Variants in LRRC17 observed in about 807,000 individuals in gnomAD.
LRRC17 encodes leucine-rich repeat-containing protein 17.
A neutral mutation model predicts 41.5 loss-of-function variants in LRRC17; 33 were observed. The observed-to-expected ratio is 0.80, with a 90% CI of 0.60 to 1.06. The LOEUF is 1.06. Ranked by LOEUF, LRRC17 falls within the 50% of genes least tolerant of loss-of-function variation. The pLI is 0.00. For missense variants in LRRC17, 491 were observed against 519.3 expected, an observed-to-expected ratio of 0.95 and a Z score of 0.53; for synonymous variants, 192 against 197.0, an observed-to-expected ratio of 0.97 and a Z score of 0.21.
Position 102,926,037 on chromosome 7 carries a change from A to G in LRRC17, c.-140-7737A>G, listed in dbSNP as rs1467387364. Among the ~76,000 whole-genome samples, 3 of 152,142 alleles carry G rather than the reference A, an allele frequency of 2.0e-5. No individual in the cohort carries two copies. The East Asian group carries it at 5.8e-4, about 29-fold the overall frequency. On this transcript the variant is annotated intron_variant, in intron 1 of 3. Transcript: ENST00000339431. Reference sequence around the variant, plus strand: ...ATGGGGGACCAGAAAGAAGCAGGCAAAGTCTAACTCAAGCTACTGGGCACA... The same window carrying G: ...ATGGGGGACCAGAAAGAAGCAGGCAGAGTCTAACTCAAGCTACTGGGCACA...
chr7:102,942,276 C>T, intron 3 of LRRC17: 2 of 1,589,316 alleles, frequency 1.3e-6, no homozygotes, highest in African/African-American at 1.4e-5. Context: ...AATGAAAGGT[C>T]TCCTATATTT....
rs865854536 is a variant in LRRC17, at chr7:102,918,205, T to G, written c.-141+5060T>G. Among the ~76,000 whole-genome samples, 15 of 152,344 alleles carry G rather than the reference T, an allele frequency of 9.8e-5. 1 individual carries two copies. Among genetic ancestry groups the G allele is most frequent in the Admixed American group, 2.6e-4 (4 of 15,308 alleles). ...ATAGAGCAAAAACAGAGAATCATTA[T>G]GAAATGTATTTTTATCATAGATAAC... On this transcript the variant is annotated intron_variant, in intron 1 of 3. Transcript: ENST00000339431.
At chr7:102,933,101 G>C (rs2129473442) in intron 1 of LRRC17, 1 of 152,270 alleles carries the variant, frequency 6.6e-6, no homozygotes, top group Non-Finnish European at 1.5e-5. Flanking sequence ...AAAGGGATTG[G>C]GAGCACCCAA....
intron 3 of LRRC17, 116 bp from the exon 4 acceptor site, chr7:102,944,091 CTCT>C (rs1398580275): frequency 1.9e-5 from 15 of 769,398 alleles, no homozygotes; most frequent in Non-Finnish European, 2.0e-6. Context: ...GAAAAGAAAT[CTCT>C]TTATTTTCAA....
At chr7:102,922,482 A>T (rs1268954187) in intron 1 of LRRC17, among the ~76,000 whole-genome samples, 2 of 152,190 alleles carry the variant, frequency 1.3e-5, no homozygotes, top group East Asian at 3.8e-4. Context: ...ATATAAATGT[A>T]TGTGCATTTA....
rs140811422 is a variant in LRRC17 at position 102,945,002 on chromosome 7, A to G, written c.*395A>G. 6.4e-6 allele frequency: 1 copy of G among 157,144 alleles called. No individual in the cohort carries two copies. The highest frequency in any genetic ancestry group is 1.9e-4 in the East Asian group (1 of 5,378). The allele number at this position is 157,144 out of a possible 1,614,324, so 9.7% of individuals were successfully genotyped here. ...ACTTAAAGATGATCAAAATGATTTT[A>G]TACAAATGCTGTTATAATAAAATGT... On this transcript the variant is annotated 3_prime_UTR_variant, in exon 4 of 4. Coordinates refer to ENST00000339431, the MANE Select transcript of LRRC17 (RefSeq NM_001031692.3).
Position 102,933,813 on chromosome 7 carries a change from C to G in LRRC17, c.-101C>G. On this transcript the variant is annotated 5_prime_UTR_variant, in exon 2 of 4. Coordinates refer to ENST00000339431, the MANE Select transcript of LRRC17 (RefSeq NM_001031692.3). ...GTACCCCAGCTGGGTCTCATTGTTC[C>G]AGAACTGCATTAGTTAAGATTACCC... 1 of 1,292,542 alleles carries G rather than the reference C, an allele frequency of 7.7e-7. No homozygotes were observed. The allele number at this position is 1,292,542 out of a possible 1,614,324, so 80.1% of individuals were successfully genotyped here.
intron 1 of LRRC17, among the ~76,000 whole-genome samples, chr7:102,923,886 T>TA (rs1817563806): frequency 6.6e-6 from 1 of 152,018 alleles, no homozygotes; most frequent in Admixed American, 6.6e-5. Context: ...CATGATTTGA[T>TA]AAAAATTTTA....
chr7:102,932,528 C>T (rs1267734137), intron 1 of LRRC17, among the ~76,000 whole-genome samples: 1 of 152,156 alleles, frequency 6.6e-6, no homozygotes, highest in Non-Finnish European at 1.5e-5. Context: ...ATAAATAATT[C>T]AGCATGTATA....
rs145854753 is a variant in LRRC17, at chr7:102,925,361, T to C, written c.-140-8413T>C. Among the ~76,000 whole-genome samples the C allele has an allele frequency of 3.7e-3, 568 of 152,246 alleles. 5 individuals carry two copies. Among genetic ancestry groups the C allele is most frequent in the African/African-American group, 0.013 (561 of 41,564 alleles). ...CGTAAGCCATGATTGTACCATTGCA[T>C]TGCAGCCTGGGTGACAGAGTAAGAC... On this transcript the variant is annotated intron_variant, in intron 1 of 3. Coordinates refer to ENST00000339431, the MANE Select transcript of LRRC17 (RefSeq NM_001031692.3).
chr7:102,925,327 T>C (rs552934220), intron 1 of LRRC17, among the ~76,000 whole-genome samples: 2 of 152,230 alleles, frequency 1.3e-5, no homozygotes, highest in South Asian at 2.1e-4. Context: ...GCCAGGAGAT[T>C]GAGGCTGCCG....
intron 1 of LRRC17, among the ~76,000 whole-genome samples, chr7:102,920,955 C>CTCGT (rs1584943713): frequency 6.6e-6 from 1 of 151,888 alleles, no homozygotes; most frequent in Non-Finnish European, 1.5e-5. Flanking sequence ...AGTTCGAGAC[C>CTCGT]GGCCTGGCCA....
rs189054869 is a variant in LRRC17, at chr7:102,922,888, G to A, written c.-141+9743G>A. 1.1e-3 allele frequency among the ~76,000 whole-genome samples: 172 copies of A among 152,272 alleles called. 1 individual carries two copies. Among genetic ancestry groups the A allele is most frequent in the African/African-American group, 3.5e-3 (147 of 41,542 alleles). Reference sequence around the variant, plus strand: ...AGCTACTCAGGAGGCTGAGGCAGGAGAATGGCATGAACCCGGGAGGCGGAG... The same window carrying A: ...AGCTACTCAGGAGGCTGAGGCAGGAAAATGGCATGAACCCGGGAGGCGGAG... On this transcript the variant is annotated intron_variant, in intron 1 of 3. Coordinates refer to ENST00000339431, the MANE Select transcript of LRRC17 (RefSeq NM_001031692.3).
At chr7:102,913,319 C>T in intron 1 of LRRC17, 174 bp downstream of exon 1, 1 of 1,396,404 alleles carries the variant, frequency 7.2e-7, no homozygotes, top group Non-Finnish European at 9.8e-7. Flanking sequence ...AACTCTTCTT[C>T]TTGCAGATGT....
intron 3 of LRRC17, among the ~76,000 whole-genome samples, chr7:102,941,161 G>A (rs186437234): frequency 6.6e-6 from 1 of 152,276 alleles, no homozygotes; most frequent in East Asian, 1.9e-4. Context: ...ATGCTAACTT[G>A]GGAGTATGTT....
rs746895800 is a variant in LRRC17 at position 102,933,997 on chromosome 7, C to G, written c.84C>G (p.Ser28Arg). 5.6e-6 allele frequency: 9 copies of G among 1,614,030 alleles called. No homozygotes were observed. The highest frequency in any genetic ancestry group is 7.6e-6 in the Non-Finnish European group (9 of 1,179,996). ...AAGCAAGCCCAGGCAGTGTGAGAAG[C>G]CGAGTGAATCATGGCCGGGCGGGTG... ...LRKASPGSVR[S>R]RVNHGRAGGG... Residue 28 changes from serine (S) to arginine (R), a missense_variant, in exon 2 of 4, where the codon AGC (serine) becomes AGG (arginine). By Grantham distance (110) the Ser-to-Arg change is moderately radical. Coordinates refer to ENST00000339431, the MANE Select transcript of LRRC17 (RefSeq NM_001031692.3).
chr7:102,925,150 T>C (rs1015992976), intron 1 of LRRC17, among the ~76,000 whole-genome samples: 6 of 152,176 alleles, frequency 3.9e-5, no homozygotes, highest in Non-Finnish European at 7.3e-5. Flanking sequence ...TGCCAGCACT[T>C]TGGGAGGCCC....
At chr7:102,936,379 T>G (rs1326674479) in intron 2 of LRRC17, 1 of 152,186 alleles carries the variant, frequency 6.6e-6, no homozygotes, top group African/African-American at 2.4e-5. Context: ...GCCTATGAGC[T>G]CTCTACTTCA....
At chr7:102,926,171 G>T in intron 1 of LRRC17, 1 of 844,762 alleles carries the variant, frequency 1.2e-6, no homozygotes, top group Non-Finnish European at 1.9e-6. Context: ...CACAGTGGTG[G>T]GGTGTTGATA....
Sources: gnomAD v4.1 joint callset for allele counts (sites outside exome capture counted in the v4.1 genomes callset) on GRCh38, gnomAD v4.1.1 for gene constraint, MANE v1.5 for transcripts, NCBI Gene and HGNC (gene_info 2026-07-23, HGNC 2026-07-21) for gene names.